The following GPAM variants were observed in gnomAD, a reference collection of about 807,000 sequenced individuals.
GPAM encodes the protein glycerol-3-phosphate acyltransferase, mitochondrial.
A neutral mutation model predicts 105.0 loss-of-function variants in GPAM; 56 were observed. The ratio of observed to expected loss-of-function variants is 0.53; its 90% CI spans 0.43 to 0.67. The LOEUF (loss-of-function observed/expected upper bound fraction) is 0.67. Ranked by LOEUF, GPAM falls within the 30% of genes least tolerant of loss-of-function variation. The pLI, the probability that GPAM is intolerant of heterozygous loss-of-function variation, is 0.00. For synonymous variants in GPAM, 368 were observed against 354.4 expected, an observed-to-expected ratio of 1.04 and a Z score of -0.43; for missense variants, 855 against 989.8, an observed-to-expected ratio of 0.86 and a Z score of 1.83.
At chr10:112,186,827 A>G (rs150030032), upstream of GPAM, among the ~76,000 whole-genome samples, 459 of 152,342 alleles carry the variant, frequency 3.0e-3, 3 homozygotes, top group South Asian at 9.3e-3. Flanking sequence ...CTGGGATTAT[A>G]AGAGTGAGCC....
chr10:112,160,213 C>T (rs541407278), intron 16 of GPAM, 160 bp from the exon 17 acceptor site: 26 of 376,082 alleles, frequency 6.9e-5, no homozygotes, highest in Non-Finnish European at 9.2e-5. Flanking sequence ...CTTATGATTC[C>T]ATATGATCCC....
chr10:112,216,748 C>G (rs1422915775), upstream of GPAM, among the ~76,000 whole-genome samples: 3 of 152,040 alleles, frequency 2.0e-5, no homozygotes, highest in African/African-American at 7.2e-5. Context: ...CTCAGCCTCC[C>G]AAGTAGCTGG....
In GPAM at chr10:112,175,836, T is replaced by C. The variant is rs146968815; in HGVS notation, c.300-123A>G. ...GTCATCTCTTTCTGAGATTTAGGGT[T>C]CTCCTACAGCAAATTCTCCTTAGTA... On this transcript the variant is annotated intron_variant, in intron 5 of 21. Coordinates refer to ENST00000348367, the MANE Select transcript of GPAM (RefSeq NM_001244949.2). 3.5e-5 allele frequency: 24 copies of C among 682,198 alleles called. No individual in the cohort carries two copies. The Admixed American group carries it at 4.8e-4, about 14-fold the overall frequency. The allele number at this position is 682,198 out of a possible 1,614,324, so 42.3% of individuals were successfully genotyped here.
the GPAM span, among the ~76,000 whole-genome samples, chr10:112,223,750 G>T: frequency 1.1e-4 from 16 of 152,304 alleles, no homozygotes; most frequent in Admixed American, 3.9e-4. Context: ...GGGTCATACA[G>T]TCTCTTTTAC....
intron 12 of GPAM, among the ~76,000 whole-genome samples, chr10:112,165,110 T>C (rs1358477797): frequency 2.0e-5 from 3 of 152,110 alleles, no homozygotes; most frequent in Non-Finnish European, 2.9e-5. Flanking sequence ...GCATTTAAGG[T>C]TAGCAAGCAT....
intron 9 of GPAM, among the ~76,000 whole-genome samples, chr10:112,171,980 A>G (rs1291723946): frequency 2.0e-5 from 3 of 152,162 alleles, no homozygotes; most frequent in Non-Finnish European, 4.4e-5. Context: ...TATCCCATAT[A>G]AAATATATAA....
intron 7 of GPAM, 24 bp downstream of exon 7, chr10:112,173,675 G>A: frequency 1.2e-6 from 2 of 1,611,446 alleles, no homozygotes; most frequent in Non-Finnish European, 8.5e-7. Flanking sequence ...GTGATTGAAA[G>A]CTTTCTGCCT....
intron 4 of GPAM, among the ~76,000 whole-genome samples, chr10:112,179,049 T>C (rs1227415912): frequency 6.6e-6 from 1 of 152,150 alleles, no homozygotes; most frequent in Non-Finnish European, 1.5e-5. Flanking sequence ...TCAACAAATA[T>C]AAAACTACTT....
intron 15 of GPAM, among the ~76,000 whole-genome samples, chr10:112,161,076 T>C (rs1025537642): frequency 7.9e-5 from 12 of 152,196 alleles, no homozygotes; most frequent in African/African-American, 2.4e-4. Flanking sequence ...GTATTACACA[T>C]GCTAGTGAAC....
At chr10:112,155,627 C>T (rs1224577246) in intron 20 of GPAM, 1 of 427,922 alleles carries the variant, frequency 2.3e-6, no homozygotes, top group Non-Finnish European at 4.2e-6. Flanking sequence ...AACAAAGGAA[C>T]AACTATATGC....
chr10:112,215,992 A>C (rs1445863601), upstream of GPAM, among the ~76,000 whole-genome samples: 1 of 152,208 alleles, frequency 6.6e-6, no homozygotes, highest in Non-Finnish European at 1.5e-5. Context: ...TAGTAAAGAC[A>C]GTAGGTTCTG....
intron 18 of GPAM, among the ~76,000 whole-genome samples, chr10:112,157,629 C>T (rs1847041280): frequency 6.6e-6 from 1 of 152,092 alleles, no homozygotes; most frequent in Non-Finnish European, 1.5e-5. Flanking sequence ...ATAAAAGTAC[C>T]CCCACATGTT....
At chr10:112,194,474 T>C (rs1270747554) in intron 1 of GPAM, among the ~76,000 whole-genome samples, 2 of 152,238 alleles carry the variant, frequency 1.3e-5, no homozygotes, top group Non-Finnish European at 2.9e-5. Flanking sequence ...TGTTCCTAAG[T>C]ATTGCTTAAG....
chr10:112,184,801 A>G (rs11195836), upstream of GPAM, among the ~76,000 whole-genome samples: 2,981 of 152,294 alleles, frequency 0.02, 139 homozygotes, highest in East Asian at 0.22. Flanking sequence ...TGTGAGTTGT[A>G]TATCAGAAAG....
rs1279100840 is a variant in GPAM, at chr10:112,173,849, G to T, written c.414-4C>A. Reference sequence around the variant, plus strand: ...TTCTGCAATTGCCTCTTGTACTCTGGTATGAAAATGGAAAAAGAGACAATG... The same window carrying T: ...TTCTGCAATTGCCTCTTGTACTCTGTTATGAAAATGGAAAAAGAGACAATG... On this transcript the variant is annotated splice_region_variant and splice_polypyrimidine_tract_variant and intron_variant, in intron 6 of 21. Transcript: ENST00000348367. 1 of 1,607,284 alleles carries T rather than the reference G, an allele frequency of 6.2e-7. No homozygotes were observed. The highest frequency in any genetic ancestry group is 1.1e-5 in the South Asian group (1 of 90,936).
At chr10:112,208,550 T>C (rs562465944) in intron 1 of GPAM, among the ~76,000 whole-genome samples, 1 of 152,120 alleles carries the variant, frequency 6.6e-6, no homozygotes, top group East Asian at 1.9e-4. Context: ...TTTGAATAGA[T>C]CAACTCTGCC....
chr10:112,162,398 C>T (rs1339877624), intron 14 of GPAM, among the ~76,000 whole-genome samples: 1 of 152,138 alleles, frequency 6.6e-6, no homozygotes, highest in Non-Finnish European at 1.5e-5. Flanking sequence ...ATTTGTATTT[C>T]CTCTTTCAAC....
chr10:112,166,094 T>C (rs1484896084), intron 12 of GPAM, among the ~76,000 whole-genome samples: 1 of 152,152 alleles, frequency 6.6e-6, no homozygotes, highest in African/African-American at 2.4e-5. Flanking sequence ...TACTGTACTA[T>C]CAAATACTAA....
chr10:112,159,815 G>T, intron 17 of GPAM, 96 bp downstream of exon 17: 1 of 1,182,296 alleles, frequency 8.5e-7, no homozygotes, highest in Non-Finnish European at 1.3e-6. Flanking sequence ...ATCAACAATG[G>T]GTCAAACATT....
Sources: allele counts gnomAD v4.1 joint callset (sites outside exome capture counted in the v4.1 genomes callset), GRCh38; gene constraint gnomAD v4.1.1; transcripts MANE v1.5; gene names NCBI Gene and HGNC (gene_info 2026-07-23, HGNC 2026-07-21).